The following CCDC158 variants were observed in gnomAD, a reference collection of about 807,000 sequenced individuals.
CCDC158 encodes the protein coiled-coil domain-containing protein 158.
A neutral mutation model predicts 138.6 loss-of-function variants in CCDC158; 116 were observed. The ratio of observed to expected loss-of-function variants is 0.84; its 90% CI spans 0.72 to 0.98. The LOEUF is 0.98. Ranked by LOEUF, CCDC158 falls within the 50% of genes least tolerant of loss-of-function variation. CCDC158 has a pLI of 0.00. For missense variants in CCDC158, 1,265 were observed against 1,306.1 expected (o/e 0.97, Z 0.48); for synonymous variants, 436 against 442.4 (o/e 0.99, Z 0.18).
intron 8 of CCDC158, among the ~76,000 whole-genome samples, chr4:76,380,892 G>C (rs908269499): frequency 6.6e-6 from 1 of 152,230 alleles, no homozygotes; most frequent in African/African-American, 2.4e-5. Flanking sequence ...TCCAGCTCCA[G>C]CCATGGCTAA....
chr4:76,377,086 T>C (rs1725788229), intron 9 of CCDC158, among the ~76,000 whole-genome samples: 1 of 152,242 alleles, frequency 6.6e-6, no homozygotes, highest in African/African-American at 2.4e-5. Flanking sequence ...AGAAATTCTT[T>C]TTATACATTT....
At chr4:76,345,184 C>T (rs1722422549) in intron 18 of CCDC158, 2 of 979,102 alleles carry the variant, frequency 2.0e-6, no homozygotes, top group African/African-American at 1.6e-5. Context: ...TTGAAGGTTG[C>T]TGTGCTATTT....
intron 2 of CCDC158, among the ~76,000 whole-genome samples, chr4:76,408,357 C>T (rs1729010335): frequency 6.6e-6 from 1 of 152,000 alleles, no homozygotes; most frequent in African/African-American, 2.4e-5. Context: ...CCACAACAGG[C>T]CCTGGTGTGT....
intron 3 of CCDC158, among the ~76,000 whole-genome samples, chr4:76,397,739 C>G (rs962138103): frequency 6.6e-6 from 1 of 152,220 alleles, no homozygotes. Flanking sequence ...TTTGAGTTAT[C>G]AGTGCTTCTA....
chr4:76,408,821 T>C, intron 2 of CCDC158, among the ~76,000 whole-genome samples: 1 of 152,198 alleles, frequency 6.6e-6, no homozygotes, highest in Non-Finnish European at 1.5e-5. Flanking sequence ...AAAGTGTTCC[T>C]ATTTCTCCAC....
Position 76,323,298 on chromosome 4 carries a change from G to A in CCDC158, c.3277+4C>T. ...GAAGATCTCTCCAAAAACGTACACTGTACCTTGGTTCTTCAGCTGTAAATC... is the reference window on the plus strand; with the variant it reads ...GAAGATCTCTCCAAAAACGTACACTATACCTTGGTTCTTCAGCTGTAAATC... On this transcript the variant is annotated splice_donor_region_variant and intron_variant, in intron 24 of 24. Coordinates refer to ENST00000682701, the MANE Select transcript of CCDC158 (RefSeq NM_001394954.1). 1 of 1,602,488 alleles carries A rather than the reference G, an allele frequency of 6.2e-7. No individual in the cohort carries two copies. The highest frequency in any genetic ancestry group is 1.1e-5 in the South Asian group (1 of 90,006).
intron 1 of CCDC158, among the ~76,000 whole-genome samples, chr4:76,415,921 T>A (rs1729658110): frequency 6.6e-6 from 1 of 152,164 alleles, no homozygotes; most frequent in Non-Finnish European, 1.5e-5. Context: ...TAGAGAAGAC[T>A]CTACTCCTCC....
intron 14 of CCDC158, 152 bp from the exon 15 acceptor site, chr4:76,355,588 G>A (rs1014198480): frequency 1.6e-5 from 10 of 620,526 alleles, no homozygotes; most frequent in African/African-American, 5.5e-5. Context: ...GAATGTCTTC[G>A]GTTTTTATAA....
intron 4 of CCDC158, 58 bp downstream of exon 4, chr4:76,396,211 C>T (rs971633695): frequency 5.7e-6 from 7 of 1,231,260 alleles, no homozygotes; most frequent in Non-Finnish European, 8.1e-6. Flanking sequence ...CAACTACATA[C>T]TGGATCTCAC....
intron 18 of CCDC158, among the ~76,000 whole-genome samples, chr4:76,337,910 A>AC (rs1226745069): frequency 6.6e-6 from 1 of 151,976 alleles, no homozygotes; most frequent in Non-Finnish European, 1.5e-5. Flanking sequence ...GGGTCCCCAA[A>AC]CCCTGGACCG....
intron 1 of CCDC158, among the ~76,000 whole-genome samples, chr4:76,415,985 G>A (rs923526989): frequency 1.3e-4 from 20 of 152,310 alleles, no homozygotes; most frequent in South Asian, 6.2e-4. Flanking sequence ...AGGCCTAACC[G>A]TCTCCCTGTG....
chr4:76,329,166 A>G (rs978244385), intron 21 of CCDC158, among the ~76,000 whole-genome samples, 199 bp from the exon 22 acceptor site: 5 of 152,248 alleles, frequency 3.3e-5, no homozygotes, highest in African/African-American at 1.2e-4. Flanking sequence ...AGAATCCATG[A>G]ACATTTTACA....
At chr4:76,348,583 T>C (rs1185254717) in intron 18 of CCDC158, among the ~76,000 whole-genome samples, 2 of 151,862 alleles carry the variant, frequency 1.3e-5, no homozygotes, top group African/African-American at 4.8e-5. Flanking sequence ...GACCATAACA[T>C]ATACTTAACA....
At chr4:76,323,430 T>C (rs1474138716) in intron 23 of CCDC158, 21 bp from the exon 24 acceptor site, 5 of 1,552,274 alleles carry the variant, frequency 3.2e-6, no homozygotes, top group Non-Finnish European at 4.4e-6. Flanking sequence ...ATTGCTTAGA[T>C]GTGATATTAA....
intron 18 of CCDC158, chr4:76,344,437 T>C: frequency 1.6e-6 from 1 of 628,234 alleles, no homozygotes; most frequent in South Asian, 1.8e-5. Context: ...GAGTTGTAAG[T>C]GAAGTTTGGA....
At chr4:76,331,201 A>AC in intron 21 of CCDC158, 143 bp downstream of exon 21, 1 of 656,060 alleles carries the variant, frequency 1.5e-6, no homozygotes, top group Non-Finnish European at 2.6e-6. Context: ...CAACTTGAGG[A>AC]CAGAGCCCAT....
In CCDC158 at chr4:76,379,471, T is replaced by C. The variant is rs1290003629; in HGVS notation, c.915-67A>G. On this transcript the variant is annotated intron_variant, in intron 8 of 24. Transcript: ENST00000682701. ...TAAGAATAAGAGTAACACCTGAGTA[T>C]TCTAGCTTTTTGACACTACCACTAG... The C allele has an allele frequency of 9.1e-6, 8 of 878,376 alleles. No individual in the cohort carries two copies. In the Admixed American group the frequency reaches 2.1e-4, roughly 24 times the overall value. The allele number at this position is 878,376 out of a possible 1,614,324, so 54.4% of individuals were successfully genotyped here.
chr4:76,372,401 T>C (rs113841582), intron 9 of CCDC158, among the ~76,000 whole-genome samples: 4,478 of 152,296 alleles, frequency 0.029, 220 homozygotes, highest in African/African-American at 0.1. Context: ...GCCATGATTG[T>C]GTCCCTGCAC....
At chr4:76,375,365 G>A (rs1446308744) in intron 9 of CCDC158, 1 of 446,090 alleles carries the variant, frequency 2.2e-6, no homozygotes, top group African/African-American at 2.0e-5. Flanking sequence ...GTCTGTTGGT[G>A]GTGGTGTTTT....
Sources: gnomAD v4.1 joint callset for allele counts (sites outside exome capture counted in the v4.1 genomes callset) on GRCh38, gnomAD v4.1.1 for gene constraint, MANE v1.5 for transcripts, NCBI Gene and HGNC (gene_info 2026-07-23, HGNC 2026-07-21) for gene names.